NMT1: variants seen among roughly 807,000 people sequenced by gnomAD.
NMT1 encodes the protein N-myristoyltransferase 1.
NMT1 carries 12 observed loss-of-function variants against 63.4 expected under a neutral mutation model. That is an observed-to-expected ratio of 0.19 (90% CI 0.12 to 0.31). The LOEUF (loss-of-function observed/expected upper bound fraction) is 0.31. Among genes scored for constraint, NMT1 ranks in the 10% least tolerant of loss-of-function variants. The pLI is 1.00. For missense variants in NMT1, 432 were observed against 634.6 expected (o/e 0.68, Z 3.43); for synonymous variants, 228 against 234.3 (o/e 0.97, Z 0.25).
chr17:45,086,141 T>G, intron 2 of NMT1, among the ~76,000 whole-genome samples: 1 of 144,170 alleles, frequency 6.9e-6, no homozygotes, highest in South Asian at 2.2e-4. Context: ...TTTTTTTTTT[T>G]GAGACGGAGT....
chr17:45,085,042 G>A (rs2054043195), intron 2 of NMT1, among the ~76,000 whole-genome samples: 1 of 151,894 alleles, frequency 6.6e-6, no homozygotes, highest in Non-Finnish European at 1.5e-5. Flanking sequence ...GAGCCCAGGA[G>A]TTCGAGGCCA....
In NMT1 at chr17:45,105,959, GTA is replaced by G. The variant is rs199746970; in HGVS notation, c.*332_*333del. 22 of 156,672 alleles carry G rather than the reference GTA, an allele frequency of 1.4e-4. No individual in the cohort carries two copies. Among genetic ancestry groups the G allele is most frequent in the Non-Finnish European group, 2.3e-4 (17 of 72,722 alleles). The allele number at this position is 156,672 out of a possible 1,614,324, so 9.7% of individuals were successfully genotyped here. A position where few individuals can be genotyped will look rare whatever the true frequency, so the allele number is the denominator to read the frequency against. On this transcript the variant is annotated 3_prime_UTR_variant, in exon 12 of 12. Transcript: ENST00000258960. The surrounding 1 kb of genome is among the most constrained non-coding windows in gnomAD (Gnocchi z 4.2). ...TGGAGTTAACGGGTGAATAATAAAA[GTA>G]TATATATATATTATATATATATAAA... is the stretch of plus-strand genomic sequence containing the variant.
At chr17:45,084,500 A>AT (rs1044255665) in intron 2 of NMT1, among the ~76,000 whole-genome samples, 1 of 151,740 alleles carries the variant, frequency 6.6e-6, no homozygotes, top group Non-Finnish European at 1.5e-5. Context: ...ACACTGGCTA[A>AT]TTTTTTGTAT....
In NMT1 at chr17:45,105,709, T is replaced by C. The variant is rs374157641; in HGVS notation, c.*70T>C. On this transcript the variant is annotated 3_prime_UTR_variant, in exon 12 of 12. Coordinates refer to ENST00000258960, the MANE Select transcript of NMT1 (RefSeq NM_021079.5). The surrounding 1 kb of genome is among the most constrained non-coding windows in gnomAD (Gnocchi z 4.2). ...CCAGGAAATGGAACCCCACCACTGT[T>C]GGTCCAATTTTCACACACGTGAGAA... 7.4e-6 allele frequency: 11 copies of C among 1,487,806 alleles called. No individual in the cohort carries two copies. The highest frequency in any genetic ancestry group is 1.0e-5 in the Non-Finnish European group (11 of 1,071,548). The allele number at this position is 1,487,806 out of a possible 1,614,324, so 92.2% of individuals were successfully genotyped here.
chr17:45,073,632 A>G (rs2053957297), intron 1 of NMT1, among the ~76,000 whole-genome samples: 1 of 152,158 alleles, frequency 6.6e-6, no homozygotes, highest in African/African-American at 2.4e-5. Context: ...TCAAACACCA[A>G]AGCTGTGTTC....
intron 8 of NMT1, among the ~76,000 whole-genome samples, chr17:45,101,846 G>C (rs948993066): frequency 6.6e-6 from 1 of 152,110 alleles, no homozygotes; most frequent in Non-Finnish European, 1.5e-5. Context: ...CTGCAGTACC[G>C]TTAGACACTG....
At chr17:45,101,960 A>G (rs1022146223) in intron 8 of NMT1, among the ~76,000 whole-genome samples, 4 of 152,226 alleles carry the variant, frequency 2.6e-5, no homozygotes, top group Non-Finnish European at 5.9e-5. Context: ...GGCAGAGAGC[A>G]TTCTTAGAGT....
chr17:45,065,587 G>GCAC (rs1188880312), intron 1 of NMT1, among the ~76,000 whole-genome samples: 9 of 136,544 alleles, frequency 6.6e-5, no homozygotes, highest in Non-Finnish European at 1.1e-4. Flanking sequence ...TTGCGCCATT[G>GCAC]CACTCCAGCC....
chr17:45,085,623 C>A (rs1416720307), intron 2 of NMT1, among the ~76,000 whole-genome samples: 2 of 152,104 alleles, frequency 1.3e-5, no homozygotes, highest in Non-Finnish European at 2.9e-5. Context: ...TTACACATTT[C>A]TGCATTGTTT....
At chr17:45,098,671 A>C in intron 7 of NMT1, 119 bp downstream of exon 7, 1 of 953,896 alleles carries the variant, frequency 1.0e-6, no homozygotes, top group Non-Finnish European at 1.6e-6. Flanking sequence ...GTATCTGGTA[A>C]GGCGGGCACT....
intron 1 of NMT1, among the ~76,000 whole-genome samples, chr17:45,080,468 T>A (rs1449021390): frequency 9.9e-6 from 1 of 100,738 alleles, no homozygotes; most frequent in Non-Finnish European, 1.9e-5. Context: ...CCTTTTCCTT[T>A]TTTTTTTTTT....
Position 45,104,408 on chromosome 17 carries a change from C to T in NMT1, c.1333-451C>T, listed in dbSNP as rs966092477. ...AGGAAGCATCTTCACAGTCTCCAAG[C>T]AACACAGCAGGTGTCATACAACATG... is the stretch of plus-strand genomic sequence containing the variant. On this transcript the variant is annotated intron_variant, in intron 10 of 11. Coordinates refer to ENST00000258960, the MANE Select transcript of NMT1 (RefSeq NM_021079.5). This position sits in a 1 kb window ranked among gnomAD's most constrained non-coding sequence, Gnocchi z 4.2. 4.2e-5 allele frequency: 47 copies of T among 1,120,896 alleles called. No individual in the cohort carries two copies. The highest frequency in any genetic ancestry group is 2.0e-5 in the Non-Finnish European group (18 of 910,456). 69.4% of individuals were successfully genotyped at this position (1,120,896 alleles called of 1,614,324 possible).
intron 1 of NMT1, among the ~76,000 whole-genome samples, chr17:45,079,578 A>G (rs978221248): frequency 1.3e-5 from 2 of 152,354 alleles, no homozygotes; most frequent in African/African-American, 4.8e-5. Flanking sequence ...TAATGAGGCT[A>G]AGAAACTTTT....
rs541655068 is a variant in NMT1 at position 45,086,426 on chromosome 17, C to A, written c.241-82C>A. 9.6e-5 allele frequency: 136 copies of A among 1,413,406 alleles called. 3 individuals carry two copies. In the South Asian group the frequency reaches 1.9e-3, roughly 20 times the overall value. 87.6% of individuals were successfully genotyped at this position (1,413,406 alleles called of 1,614,324 possible). On this transcript the variant is annotated intron_variant, in intron 2 of 11. Coordinates refer to ENST00000258960, the MANE Select transcript of NMT1 (RefSeq NM_021079.5). Reference sequence around the variant, plus strand: ...AGGCATGAGCCACTGCACCCAGCTCCCCTTAACTCTTGAACTCATAATTAA... The same window carrying A: ...AGGCATGAGCCACTGCACCCAGCTCACCTTAACTCTTGAACTCATAATTAA...
chr17:45,082,083 A>T (rs2054020490), intron 2 of NMT1, among the ~76,000 whole-genome samples: 1 of 152,122 alleles, frequency 6.6e-6, no homozygotes, highest in Non-Finnish European at 1.5e-5. Context: ...CTCTGTCTTA[A>T]GTCCCCACCG....
At chr17:45,094,269 C>T (rs1001017632) in intron 4 of NMT1, among the ~76,000 whole-genome samples, 10 of 151,594 alleles carry the variant, frequency 6.6e-5, no homozygotes, top group African/African-American at 2.4e-4. Flanking sequence ...CTGAGGCAGG[C>T]GGATCATGAG....
chr17:45,103,872 A>G lies in NMT1; in HGVS notation c.1328A>G (p.Lys443Arg). 1 of 1,613,952 alleles carries G rather than the reference A, an allele frequency of 6.2e-7. No individual in the cohort carries two copies. Among genetic ancestry groups the G allele is most frequent in the South Asian group, 1.1e-5 (1 of 91,090 alleles). Reference sequence around the variant, plus strand: ...ATGAGCGACGCCCTTGTCCTCGCCAAAATGGTGAGGAGCAGACGGGGGGGT... The same window carrying G: ...ATGAGCGACGCCCTTGTCCTCGCCAGAATGGTGAGGAGCAGACGGGGGGGT... Reference protein sequence around the residue: ...DLMSDALVLAKMKGFDVFNAL... With the variant: ...DLMSDALVLARMKGFDVFNAL... Residue 443 changes from lysine (K) to arginine (R), a missense_variant, in exon 10 of 12, where the codon AAA becomes AGA. Physicochemically the swap from Lys to Arg is conservative, Grantham distance 26 (BLOSUM62 2). Transcript: ENST00000258960. The surrounding 1 kb of genome is among the most constrained non-coding windows in gnomAD (Gnocchi z 4.8).
In NMT1 at chr17:45,105,834, T is replaced by A. The variant is rs2054199771; in HGVS notation, c.*195T>A. 5 of 569,720 alleles carry A rather than the reference T, an allele frequency of 8.8e-6. No homozygotes were observed. The East Asian group carries it at 1.6e-4, about 18-fold the overall frequency. The allele number at this position is 569,720 out of a possible 1,614,324, so 35.3% of individuals were successfully genotyped here. The stretch of plus-strand genomic sequence containing the variant: ...GTGGGCTGCGTGACGTCACCTCCGG[T>A]CGTGTCTCTGGTCTCCGTGTTTTCC... On this transcript the variant is annotated 3_prime_UTR_variant, in exon 12 of 12. Coordinates refer to ENST00000258960, the MANE Select transcript of NMT1 (RefSeq NM_021079.5). The surrounding 1 kb of genome is among the most constrained non-coding windows in gnomAD (Gnocchi z 4.2).
chr17:45,104,035 A>G lies in NMT1; in HGVS notation c.1332+159A>G. The G allele has an allele frequency of 1.3e-6, 2 of 1,572,530 alleles. No homozygotes were observed. Among genetic ancestry groups the G allele is most frequent in the Non-Finnish European group, 1.7e-6 (2 of 1,166,886 alleles). On this transcript the variant is annotated intron_variant, in intron 10 of 11. Coordinates refer to ENST00000258960, the MANE Select transcript of NMT1 (RefSeq NM_021079.5). This position sits in a 1 kb window ranked among gnomAD's most constrained non-coding sequence, Gnocchi z 4.2. ...GGGTTCCCGCAGTTTTTAGGCAGAA[A>G]CTCAAAACTTGGAGGGAACAAGGAG... is the stretch of plus-strand genomic sequence containing the variant.
Sources: allele counts gnomAD v4.1 joint callset (sites outside exome capture counted in the v4.1 genomes callset), GRCh38; gene constraint gnomAD v4.1.1; non-coding constraint Gnocchi (gnomAD v3.1); transcripts MANE v1.5; gene names NCBI Gene and HGNC (gene_info 2026-07-23, HGNC 2026-07-21).